CNTN5: variants seen among roughly 807,000 people sequenced by gnomAD.
CNTN5 encodes the protein contactin 5, also known as contactin-5.
CNTN5 carries 77 observed loss-of-function variants against 129.1 expected under a neutral mutation model. The ratio of observed to expected loss-of-function variants is 0.60; its 90% CI spans 0.50 to 0.72. CNTN5 has a LOEUF of 0.72. Ranked by LOEUF, CNTN5 falls within the 30% of genes least tolerant of loss-of-function variation. CNTN5 has a pLI of 0.00. For missense variants in CNTN5, 1,478 were observed against 1,328.8 expected, an observed-to-expected ratio of 1.11 and a Z score of -1.75; for synonymous variants, 509 against 465.6, an observed-to-expected ratio of 1.09 and a Z score of -1.20.
At chr11:99,303,687 G>A (rs754666222) in intron 1 of CNTN5, among the ~76,000 whole-genome samples, 17 of 151,944 alleles carry the variant, frequency 1.1e-4, no homozygotes, top group Admixed American at 6.6e-5. Context: ...AAGTACTTGA[G>A]AATTTCTCAT....
intron 1 of CNTN5, among the ~76,000 whole-genome samples, chr11:99,046,244 G>A (rs1373928610): frequency 6.6e-6 from 1 of 152,126 alleles, no homozygotes; most frequent in Non-Finnish European, 1.5e-5. Flanking sequence ...GGAGGCTGAT[G>A]CCTGAGAATC....
chr11:99,921,077 C>T (rs988647387), intron 7 of CNTN5, among the ~76,000 whole-genome samples: 1 of 152,160 alleles, frequency 6.6e-6, no homozygotes, highest in Non-Finnish European at 1.5e-5. Context: ...ACCAACCATG[C>T]TGTCACCTAA....
At position 99,856,748 on chromosome 11, in the gene CNTN5, G is replaced by T. The variant is rs114509556; in HGVS notation, c.577+11486G>T. ...GACAGGGTTAATGGCTTATGAAATG[G>T]TTACCATACCCCAATAAAGTTCACA... On this transcript the variant is annotated intron_variant, in intron 6 of 24. Transcript: ENST00000524871. Among the ~76,000 whole-genome samples, 247 of 152,134 alleles carry T rather than the reference G, an allele frequency of 1.6e-3. 1 individual carries two copies. Among genetic ancestry groups the T allele is most frequent in the African/African-American group, 5.9e-3 (243 of 41,500 alleles).
intron 16 of CNTN5, among the ~76,000 whole-genome samples, chr11:100,249,044 C>T (rs1341516216): frequency 6.6e-6 from 1 of 152,148 alleles, no homozygotes; most frequent in Non-Finnish European, 1.5e-5. Context: ...CTTTCAAGTA[C>T]TACTTCCTCA....
At chr11:99,703,139 C>T (rs1048538456) in intron 3 of CNTN5, among the ~76,000 whole-genome samples, 11 of 149,870 alleles carry the variant, frequency 7.3e-5, no homozygotes, top group Admixed American at 1.3e-4. Context: ...TTAATGATTG[C>T]GTATTTATAA....
intron 13 of CNTN5, among the ~76,000 whole-genome samples, chr11:100,140,349 A>G (rs1292271548): frequency 6.6e-6 from 1 of 152,184 alleles, no homozygotes; most frequent in Non-Finnish European, 1.5e-5. Context: ...CCAAGTGAGT[A>G]TGATAAATGT....
intron 3 of CNTN5, among the ~76,000 whole-genome samples, chr11:99,789,499 G>T (rs980577790): frequency 6.6e-6 from 1 of 151,932 alleles, no homozygotes; most frequent in Non-Finnish European, 1.5e-5. Context: ...GGAATAAACT[G>T]ACAAAATATT....
At chr11:99,167,958 T>G (rs1860956174) in intron 1 of CNTN5, among the ~76,000 whole-genome samples, 1 of 150,930 alleles carries the variant, frequency 6.6e-6, no homozygotes, top group Admixed American at 6.6e-5. Flanking sequence ...TTTTTGGAGA[T>G]AGCATGTCAA....
At chr11:100,192,140 C>G (rs1186928428) in intron 14 of CNTN5, among the ~76,000 whole-genome samples, 8 of 151,910 alleles carry the variant, frequency 5.3e-5, no homozygotes, top group Admixed American at 3.3e-4. Flanking sequence ...TTATATAATG[C>G]ATTACTGGAC....
chr11:99,916,506 A>G (rs988767635), intron 7 of CNTN5, among the ~76,000 whole-genome samples: 6 of 152,140 alleles, frequency 3.9e-5, no homozygotes, highest in African/African-American at 1.4e-4. Context: ...CTGAATACCA[A>G]TATGCGTCTT....
In CNTN5 at chr11:99,991,467, A is replaced by AAAACAAAC. The variant is rs35179064; in HGVS notation, c.878-10547_878-10540dup. On this transcript the variant is annotated intron_variant, in intron 8 of 24. Transcript: ENST00000524871. ...GGGCAACAGAGTGAGACTCTGTCTCAAAACAAACAAACAAACAAACAAACA... is the reference window on the plus strand; with the variant it reads ...GGGCAACAGAGTGAGACTCTGTCTCAAAACAAACAAACAAACAAACAAACAAACAAACA... 2.0e-3 allele frequency among the ~76,000 whole-genome samples: 304 copies of AAAACAAAC among 151,584 alleles called. 3 individuals are homozygous for AAAACAAAC. Among genetic ancestry groups the AAAACAAAC allele is most frequent in the African/African-American group, 6.3e-3 (261 of 41,338 alleles).
chr11:99,853,306 A>G (rs1321700231), intron 6 of CNTN5, among the ~76,000 whole-genome samples: 1 of 152,136 alleles, frequency 6.6e-6, no homozygotes, highest in Non-Finnish European at 1.5e-5. Context: ...TGATACTTAC[A>G]TAGATATACA....
intron 1 of CNTN5, among the ~76,000 whole-genome samples, chr11:99,150,531 A>C (rs1330422900): frequency 1.3e-5 from 2 of 152,000 alleles, no homozygotes; most frequent in Non-Finnish European, 2.9e-5. Flanking sequence ...TTTTCCTTAA[A>C]ATTGTGATTG....
chr11:99,453,310 GA>G (rs2135201453), intron 2 of CNTN5, among the ~76,000 whole-genome samples: 1 of 152,244 alleles, frequency 6.6e-6, no homozygotes, highest in African/African-American at 2.4e-5. Flanking sequence ...AAGCGTTGGA[GA>G]AAGGGAAAAA....
chr11:99,655,097 G>A (rs867667256), intron 3 of CNTN5, among the ~76,000 whole-genome samples: 1 of 152,094 alleles, frequency 6.6e-6, no homozygotes, highest in African/African-American at 2.4e-5. Flanking sequence ...CCATTCCTCT[G>A]TGGGGGTCTT....
intron 1 of CNTN5, among the ~76,000 whole-genome samples, chr11:99,028,796 T>A (rs905683914): frequency 6.6e-6 from 1 of 151,944 alleles, no homozygotes; most frequent in African/African-American, 2.4e-5. Context: ...TTATGTAGTA[T>A]GATATATTAA....
chr11:99,079,747 A>G (rs963090697), intron 1 of CNTN5, among the ~76,000 whole-genome samples: 20 of 152,160 alleles, frequency 1.3e-4, no homozygotes, highest in Admixed American at 1.3e-3. Context: ...TTGCCTTTGT[A>G]CATCCTATCC....
chr11:100,147,242 A>G (rs1361435446), intron 13 of CNTN5, among the ~76,000 whole-genome samples: 1 of 152,074 alleles, frequency 6.6e-6, no homozygotes, highest in African/African-American at 2.4e-5. Flanking sequence ...GCTGGCTTAT[A>G]CTATTTTCTC....
At chr11:100,309,627 A>G in intron 21 of CNTN5, 4 of 984,046 alleles carry the variant, frequency 4.1e-6, no homozygotes, top group Non-Finnish European at 4.8e-6. Flanking sequence ...ATGTTTGTTC[A>G]TCATTAAATC....
Sources: allele counts gnomAD v4.1 joint callset (sites outside exome capture counted in the v4.1 genomes callset), GRCh38; gene constraint gnomAD v4.1.1; transcripts MANE v1.5; gene names NCBI Gene and HGNC (gene_info 2026-07-23, HGNC 2026-07-21).